Variants in FAM161A observed in about 807,000 individuals in gnomAD.
The protein encoded by FAM161A is FAM161 centrosomal protein A.
In FAM161A, 57 loss-of-function variants were observed where a neutral mutation model predicts 70.9. That is an observed-to-expected ratio of 0.80 (90% CI 0.65 to 1.00). The LOEUF is 1.00. Among genes scored for constraint, FAM161A ranks in the 50% least tolerant of loss-of-function variants. FAM161A has a pLI of 0.00. For synonymous variants in FAM161A, 299 were observed against 295.7 expected, an observed-to-expected ratio of 1.01 and a Z score of -0.12; for missense variants, 880 against 836.0, an observed-to-expected ratio of 1.05 and a Z score of -0.65.
In FAM161A at chr2:61,839,993, G is replaced by A. The variant is rs1423426997; in HGVS notation, c.1011C>T (p.Ala337=). The stretch of plus-strand genomic sequence containing the variant: ...GAAAGTCTCTCAGCTGCTTTTCCCG[G>A]GCTGCTCGCTTCTGTTCCTCCCTTG... ...FIAREEQKRA[A]REKQLRDFLK... Residue 337 remains alanine (A), a synonymous_variant, in exon 3 of 7, where the codon GCC becomes GCT. Coordinates refer to ENST00000404929, the MANE Select transcript of FAM161A (RefSeq NM_001201543.2). 7 of 1,613,920 alleles carry A rather than the reference G, an allele frequency of 4.3e-6. No individual in the cohort carries two copies. Among genetic ancestry groups the A allele is most frequent in the South Asian group, 2.2e-5 (2 of 91,066 alleles).
At chr2:61,840,877 C>G (rs1232264546) in intron 2 of FAM161A, among the ~76,000 whole-genome samples, 3 of 152,178 alleles carry the variant, frequency 2.0e-5, no homozygotes, top group Non-Finnish European at 4.4e-5. Context: ...GTCTCAATCT[C>G]CTGACCTCGT....
At chr2:61,851,463 T>G (rs1673495092) in intron 1 of FAM161A, among the ~76,000 whole-genome samples, 1 of 152,134 alleles carries the variant, frequency 6.6e-6, no homozygotes, top group African/African-American at 2.4e-5. Context: ...CGCCCCCTAG[T>G]AGCTGGGATT....
At chr2:61,850,559 C>G (rs1479808131) in intron 1 of FAM161A, among the ~76,000 whole-genome samples, 1 of 151,838 alleles carries the variant, frequency 6.6e-6, no homozygotes, top group East Asian at 1.9e-4. Context: ...TCGAGACCAG[C>G]CTGGGGAACA....
Position 61,826,437 on chromosome 2 carries a change from A to T in FAM161A, c.*18T>A. 2 of 1,611,390 alleles carry T rather than the reference A, an allele frequency of 1.2e-6. No homozygotes were observed. The highest frequency in any genetic ancestry group is 1.7e-6 in the Non-Finnish European group (2 of 1,178,464). The stretch of plus-strand genomic sequence containing the variant: ...GCTGCAAACAACAGCAAGGGCATAG[A>T]GAGGAGACCTTGATGATTCAGTGTG... On this transcript the variant is annotated 3_prime_UTR_variant, in exon 7 of 7. Coordinates refer to ENST00000404929, the MANE Select transcript of FAM161A (RefSeq NM_001201543.2).
intron 1 of FAM161A, among the ~76,000 whole-genome samples, chr2:61,844,338 C>T (rs935334942): frequency 2.6e-5 from 4 of 152,108 alleles, no homozygotes; most frequent in Non-Finnish European, 4.4e-5. Flanking sequence ...TTTCCTCATT[C>T]ATTAAATATT....
chr2:61,830,025 T>C (rs756247305), intron 5 of FAM161A, among the ~76,000 whole-genome samples: 2 of 152,080 alleles, frequency 1.3e-5, no homozygotes, highest in Non-Finnish European at 2.9e-5. Context: ...ACTCTGTTTA[T>C]ACTTTTTGAG....
At chr2:61,845,603 G>C (rs1044511991) in intron 1 of FAM161A, among the ~76,000 whole-genome samples, 1 of 146,738 alleles carries the variant, frequency 6.8e-6, no homozygotes, top group Admixed American at 6.8e-5. Context: ...TGGGAGGACT[G>C]CTTGAGGCCA....
chr2:61,803,286 GATTTATGATTCCTTGGA>G, the FAM161A span: 1 of 628,780 alleles, frequency 1.6e-6, no homozygotes, highest in Middle Eastern at 4.6e-4. Context: ...GCTTTGGCAT[GATTTATGATTCCTTGGA>G]TTATGTAAAG....
chr2:61,831,291 G>C (rs1672567007), intron 5 of FAM161A, among the ~76,000 whole-genome samples: 1 of 147,422 alleles, frequency 6.8e-6, no homozygotes, highest in Non-Finnish European at 1.5e-5. Flanking sequence ...TTTTTTTCTA[G>C]ACCTGTTGGA....
At chr2:61,848,908 TTATATATTTATATATATTTA>T (rs1406670878) in intron 1 of FAM161A, among the ~76,000 whole-genome samples, 48 of 1,524 alleles carry the variant, frequency 0.031, 8 homozygotes, top group East Asian at 0.083. Flanking sequence ...ATATATATAT[TTATATATTTATATATATTTA>T]TATATATATA....
chr2:61,816,969 G>C, the FAM161A span, among the ~76,000 whole-genome samples: 2 of 152,176 alleles, frequency 1.3e-5, no homozygotes, highest in African/African-American at 4.8e-5. Flanking sequence ...TGGGAGGGGA[G>C]AAATATGCTC....
At chr2:61,834,689 C>T (rs539674563) in intron 5 of FAM161A, among the ~76,000 whole-genome samples, 187 of 152,232 alleles carry the variant, frequency 1.2e-3, no homozygotes, top group African/African-American at 4.3e-3. Flanking sequence ...TCTCGAACCA[C>T]TGACCTTAGG....
chr2:61,811,799 C>T, the FAM161A span, among the ~76,000 whole-genome samples: 1 of 152,202 alleles, frequency 6.6e-6, no homozygotes, highest in African/African-American at 2.4e-5. Flanking sequence ...AGCCACTGTG[C>T]CTGGCCCAGA....
chr2:61,826,721 T>C (rs1672382508), intron 6 of FAM161A, 122 bp from the exon 7 acceptor site: 12 of 798,990 alleles, frequency 1.5e-5, no homozygotes, highest in Non-Finnish European at 1.9e-5. Context: ...TCCAATTTGT[T>C]ACCAAGACAA....
At position 61,849,064 on chromosome 2, in the gene FAM161A, A is replaced by ATT. The variant is rs1229034242; in HGVS notation, c.183+4794_183+4795insAA. 8.7e-3 allele frequency among the ~76,000 whole-genome samples: 89 copies of ATT among 10,210 alleles called. 39 individuals carry two copies. The highest frequency in any genetic ancestry group is 0.015 in the African/African-American group (34 of 2,298). The allele number at this position is 10,210 out of a possible 152,430, so 6.7% of individuals were successfully genotyped here. ...TATATATTTATATATATTTATATAT[A>ATT]TATAAATATATATATTTATATATAT... On this transcript the variant is annotated intron_variant, in intron 1 of 6. Coordinates refer to ENST00000404929, the MANE Select transcript of FAM161A (RefSeq NM_001201543.2).
intron 1 of FAM161A, chr2:61,846,801 C>T (rs1198299131): frequency 4.6e-5 from 17 of 366,800 alleles, no homozygotes; most frequent in Admixed American, 3.2e-4. Context: ...CGGCTTGTGT[C>T]AGTCTAGCAA....
chr2:61,838,756 G>A, intron 3 of FAM161A, 51 bp from the exon 4 acceptor site: 1 of 1,328,860 alleles, frequency 7.5e-7, no homozygotes, highest in South Asian at 2.2e-5. Flanking sequence ...TCAGAATGTT[G>A]TTTAGCAAAG....
At chr2:61,840,663 T>A in intron 2 of FAM161A, 82 bp from the exon 3 acceptor site, 1 of 1,151,324 alleles carries the variant, frequency 8.7e-7, no homozygotes, top group East Asian at 2.5e-5. Flanking sequence ...TTTTCTTTTT[T>A]TTTCTGAGAC....
At chr2:61,835,748 C>T in intron 5 of FAM161A, 1 of 421,248 alleles carries the variant, frequency 2.4e-6, no homozygotes, top group Non-Finnish European at 4.3e-6. Flanking sequence ...CAGGTTGGAC[C>T]AAAACTCTTG....
Sources: gnomAD v4.1 joint callset for allele counts (sites outside exome capture counted in the v4.1 genomes callset) on GRCh38, gnomAD v4.1.1 for gene constraint, MANE v1.5 for transcripts, NCBI Gene and HGNC (gene_info 2026-07-23, HGNC 2026-07-21) for gene names.